Variants in NRXN3 observed in about 807,000 individuals in gnomAD.
The protein encoded by NRXN3 is neurexin III.
A neutral mutation model predicts 137.6 loss-of-function variants in NRXN3; 32 were observed. The ratio of observed to expected loss-of-function variants is 0.23; its 90% CI spans 0.18 to 0.31. The LOEUF (loss-of-function observed/expected upper bound fraction) is 0.31. Ranked by LOEUF, NRXN3 falls within the 10% of genes least tolerant of loss-of-function variation. The pLI, the probability that NRXN3 is intolerant of heterozygous loss-of-function variation, is 1.00. For missense variants in NRXN3, 1,574 were observed against 2,062.5 expected (o/e 0.76, Z 4.59); for synonymous variants, 798 against 784.5 (o/e 1.02, Z -0.29).
intron 4 of NRXN3, among the ~76,000 whole-genome samples, chr14:78,636,349 A>G (rs1163361640): frequency 6.6e-6 from 1 of 152,118 alleles, no homozygotes; most frequent in Non-Finnish European, 1.5e-5. Flanking sequence ...GGATTACTGC[A>G]TGGGACTGCC....
chr14:79,479,914 G>T (rs927624380), intron 16 of NRXN3, among the ~76,000 whole-genome samples: 3 of 152,078 alleles, frequency 2.0e-5, no homozygotes, highest in Admixed American at 2.0e-4. Context: ...CAAATTTAGT[G>T]TATCAAAGAA....
At position 79,791,999 on chromosome 14, in the gene NRXN3, C is replaced by T. The variant is rs184266898; in HGVS notation, c.4015-13113C>T. On this transcript the variant is annotated intron_variant, in intron 19 of 20. Transcript: ENST00000335750. ...AGCTCCGTCAGGCCATACTTATGTC[C>T]GTGCTATGCCACACTTCTCACCTGG... 1.2e-3 allele frequency among the ~76,000 whole-genome samples: 184 copies of T among 152,232 alleles called. 1 individual carries two copies. The highest frequency in any genetic ancestry group is 3.4e-3 in the Middle Eastern group (1 of 294).
chr14:78,170,952 C>CTTTTTTTTT (rs545853025), intron 1 of NRXN3, among the ~76,000 whole-genome samples: 4 of 126,182 alleles, frequency 3.2e-5, no homozygotes, highest in South Asian at 2.7e-4. Context: ...TCTTCTTCTT[C>CTTTTTTTTT]TTTTTTTTTT....
chr14:79,602,352 G>A (rs2097935619), intron 16 of NRXN3, among the ~76,000 whole-genome samples: 1 of 152,230 alleles, frequency 6.6e-6, no homozygotes, highest in South Asian at 2.1e-4. Flanking sequence ...TTCATTGACA[G>A]TGCTTATTGT....
chr14:78,887,527 C>G (rs897312276), intron 10 of NRXN3, among the ~76,000 whole-genome samples: 9 of 151,938 alleles, frequency 5.9e-5, no homozygotes, highest in Admixed American at 4.6e-4. Flanking sequence ...TGCATGGATG[C>G]CTGATTTTTT....
At chr14:78,736,248 C>T (rs988248980) in intron 8 of NRXN3, among the ~76,000 whole-genome samples, 2 of 152,164 alleles carry the variant, frequency 1.3e-5, no homozygotes, top group African/African-American at 4.8e-5. Context: ...GCGTGGCCAT[C>T]CTGGAGTTCA....
intron 19 of NRXN3, among the ~76,000 whole-genome samples, chr14:79,766,842 A>G (rs963818401): frequency 2.0e-5 from 3 of 152,204 alleles, no homozygotes; most frequent in Non-Finnish European, 4.4e-5. Context: ...TGCCACATGC[A>G]CAGAATATAG....
intron 15 of NRXN3, among the ~76,000 whole-genome samples, chr14:79,437,204 C>T (rs1176085057): frequency 6.6e-6 from 1 of 152,054 alleles, no homozygotes; most frequent in Non-Finnish European, 1.5e-5. Context: ...TACGTTCTTT[C>T]CCTTCATGGT....
At chr14:79,624,940 A>G (rs897171997) in intron 16 of NRXN3, among the ~76,000 whole-genome samples, 2 of 151,884 alleles carry the variant, frequency 1.3e-5, no homozygotes, top group Non-Finnish European at 2.9e-5. Flanking sequence ...AGTAGCTGAG[A>G]CTACAGGCAT....
intron 4 of NRXN3, among the ~76,000 whole-genome samples, chr14:78,619,554 G>A (rs2097378719): frequency 6.6e-6 from 1 of 152,134 alleles, no homozygotes; most frequent in Non-Finnish European, 1.5e-5. Flanking sequence ...GAGAGACCAG[G>A]TGGAGGTAAT....
At chr14:78,979,550 T>G (rs1025508977) in intron 14 of NRXN3, among the ~76,000 whole-genome samples, 14 of 152,132 alleles carry the variant, frequency 9.2e-5, no homozygotes, top group Non-Finnish European at 1.9e-4. Flanking sequence ...AATTTTAAAA[T>G]GTGAAAGTAG....
At chr14:78,525,562 G>T (rs970421776) in intron 4 of NRXN3, among the ~76,000 whole-genome samples, 5 of 152,084 alleles carry the variant, frequency 3.3e-5, no homozygotes, top group Non-Finnish European at 7.4e-5. Flanking sequence ...AATAATCTGA[G>T]GGCTAAAATG....
intron 16 of NRXN3, among the ~76,000 whole-genome samples, chr14:79,522,730 T>C (rs952342899): frequency 1.3e-5 from 2 of 152,190 alleles, no homozygotes; most frequent in African/African-American, 4.8e-5. Flanking sequence ...TTTTCTGTGA[T>C]CTCGCAGTTT....
At chr14:79,030,341 G>C (rs912298498) in intron 15 of NRXN3, among the ~76,000 whole-genome samples, 1 of 151,864 alleles carries the variant, frequency 6.6e-6, no homozygotes, top group African/African-American at 2.4e-5. Context: ...CTTCAGGATA[G>C]ACTGTTGTTA....
chr14:78,250,066 G>T (rs890972311), intron 2 of NRXN3: 1 of 515,688 alleles, frequency 1.9e-6, no homozygotes, highest in African/African-American at 1.9e-5. Context: ...AACCACTCTT[G>T]ACATGCGATT....
intron 19 of NRXN3, among the ~76,000 whole-genome samples, chr14:79,728,035 C>A (rs1361659455): frequency 6.6e-6 from 1 of 152,136 alleles, no homozygotes. Context: ...TACTGAGAGG[C>A]AACTTCTCCC....
rs747082950 is a variant in NRXN3 at position 78,714,869 on chromosome 14, C to T, written c.1774C>T (p.Leu592Phe). The T allele has an allele frequency of 3.7e-6, 6 of 1,614,158 alleles. No homozygotes were observed. In the South Asian group the frequency reaches 5.5e-5, roughly 15 times the overall value. ...LGGLPENRAGLILPTELWTAM... is the reference protein window; with the variant it reads ...LGGLPENRAGFILPTELWTAM... ...AGGGCTGCCGGAGAACCGTGCTGGC[C>T]TTATTCTCCCCACCGAGCTGTGGAC... The change falls in exon 8 of 21, where the codon CTT (leucine) becomes TTT (phenylalanine). Residue 592 changes from leucine to phenylalanine, a missense_variant. Physicochemically the swap from Leu to Phe is conservative, Grantham distance 22 (BLOSUM62 0). Coordinates refer to ENST00000335750, the MANE Select transcript of NRXN3 (RefSeq NM_001330195.2).
intron 10 of NRXN3, among the ~76,000 whole-genome samples, chr14:78,891,608 A>G (rs1471018966): frequency 1.3e-5 from 2 of 151,982 alleles, no homozygotes; most frequent in East Asian, 3.9e-4. Flanking sequence ...TATATTCACC[A>G]CAAATGAACA....
intron 19 of NRXN3, among the ~76,000 whole-genome samples, chr14:79,704,324 CTGCCTTGCACTGGGAGACA>C (rs1474008399): frequency 6.6e-6 from 1 of 152,140 alleles, no homozygotes; most frequent in Non-Finnish European, 1.5e-5. Context: ...AATAATCAAA[CTGCCTTGCACTGGGAGACA>C]AGATAGATCC....
Sources: gnomAD v4.1 joint callset for allele counts (sites outside exome capture counted in the v4.1 genomes callset) on GRCh38, gnomAD v4.1.1 for gene constraint, MANE v1.5 for transcripts, NCBI Gene and HGNC (gene_info 2026-07-23, HGNC 2026-07-21) for gene names.